GPC3: variants seen among roughly 807,000 people sequenced by gnomAD.
GPC3 encodes the protein glypican-3.
A neutral mutation model predicts 34.4 loss-of-function variants in GPC3; 3 were observed. The ratio of observed to expected loss-of-function variants is 0.09; its 90% CI spans 0.04 to 0.23. GPC3 has a LOEUF of 0.23. Among genes scored for constraint, GPC3 ranks in the 10% least tolerant of loss-of-function variants. GPC3 has a pLI of 1.00. For missense variants in GPC3, 351 were observed against 445.6 expected (o/e 0.79, Z 1.91); for synonymous variants, 177 against 174.0 (o/e 1.02, Z -0.13).
intron 7 of GPC3, among the ~76,000 whole-genome samples, chrX:133,560,572 G>C (rs937798848): frequency 1.1e-4 from 12 of 111,511 alleles, no homozygotes; most frequent in African/African-American, 3.3e-4. Flanking sequence ...AACCCCGTCT[G>C]TACTAAAAAT....
intron 2 of GPC3, among the ~76,000 whole-genome samples, chrX:133,861,778 G>A (rs1205465292): frequency 9.0e-6 from 1 of 110,873 alleles, no homozygotes; most frequent in Non-Finnish European, 1.9e-5. Context: ...CTCCTGCTCT[G>A]GCCATGTGAT....
intron 5 of GPC3, among the ~76,000 whole-genome samples, chrX:133,673,831 A>G (rs1313687181): frequency 8.9e-6 from 1 of 112,708 alleles, no homozygotes; most frequent in Non-Finnish European, 1.9e-5. Flanking sequence ...TGCCAGGCAC[A>G]TAGAAAGTTC....
chrX:133,985,283 G>C lies in GPC3; in HGVS notation c.167C>G (p.Pro56Arg). 1 of 1,211,098 alleles carries C rather than the reference G, an allele frequency of 8.3e-7. No homozygotes were observed. Among genetic ancestry groups the C allele is most frequent in the Non-Finnish European group, 1.1e-6 (1 of 895,002 alleles). Residue 56 changes from proline (P) to arginine (R), a missense_variant, in exon 1 of 8, where the codon CCC becomes CGC. Coordinates refer to ENST00000370818, the MANE Select transcript of GPC3 (RefSeq NM_004484.4). ...QPGLKWVPETPVPGSDLQVCL... is the reference protein window; with the variant it reads ...QPGLKWVPETRVPGSDLQVCL... ...AAGGGACCCCTCCTCACCTGGCACG[G>C]GAGTTTCTGGCACCCACTTGAGTCC...
At chrX:133,721,399 CA>C (rs1358946175) in intron 3 of GPC3, among the ~76,000 whole-genome samples, 1 of 108,606 alleles carries the variant, frequency 9.2e-6, no homozygotes, top group African/African-American at 3.3e-5. Context: ...AACTTTATGC[CA>C]AAAAGTAGAT....
chrX:133,593,020 T>A (rs2069868423), intron 7 of GPC3, among the ~76,000 whole-genome samples: 1 of 111,205 alleles, frequency 9.0e-6, no homozygotes, highest in South Asian at 3.8e-4. Flanking sequence ...AAAAGGTCAA[T>A]CTCTATAGAA....
intron 1 of GPC3, among the ~76,000 whole-genome samples, chrX:133,974,034 G>GT (rs747453128): frequency 5.4e-5 from 6 of 110,754 alleles, no homozygotes; most frequent in African/African-American, 1.3e-4. Context: ...AACTTTCAGC[G>GT]TTTTTTTTGT....
intron 6 of GPC3, among the ~76,000 whole-genome samples, chrX:133,620,777 G>A (rs1386145144): frequency 9.0e-6 from 1 of 111,688 alleles, no homozygotes; most frequent in Non-Finnish European, 1.9e-5. Context: ...ATTCCTTATT[G>A]TAACCCAGGT....
At chrX:133,813,615 T>C (rs1409755355) in intron 2 of GPC3, among the ~76,000 whole-genome samples, 2 of 112,635 alleles carry the variant, frequency 1.8e-5, no homozygotes, top group African/African-American at 6.4e-5. Context: ...TGATGCAGAA[T>C]GAATGAAGTG....
chrX:133,713,315 G>A (rs2071287511), intron 3 of GPC3, among the ~76,000 whole-genome samples: 1 of 112,201 alleles, frequency 8.9e-6, no homozygotes, highest in Admixed American at 9.5e-5. Flanking sequence ...AAAACTGCTT[G>A]CACTTTATCA....
intron 1 of GPC3, among the ~76,000 whole-genome samples, chrX:133,977,727 C>T (rs1277706023): frequency 1.8e-5 from 2 of 111,452 alleles, no homozygotes; most frequent in African/African-American, 3.3e-5. Context: ...ATCATCCCTT[C>T]GTTTTTTATC....
Position 133,618,617 on chromosome X carries a change from C to T in GPC3, c.1414-22018G>A, listed in dbSNP as rs779681830. On this transcript the variant is annotated intron_variant, in intron 6 of 7. Transcript: ENST00000370818. Reference sequence around the variant, plus strand: ...TCGGGAGGCTGAGGCAGGAGAATCACTTGAACCCAGGAGGTGGAGGTTGCA... The same window carrying T: ...TCGGGAGGCTGAGGCAGGAGAATCATTTGAACCCAGGAGGTGGAGGTTGCA... Among the ~76,000 whole-genome samples, 11 of 107,581 alleles carry T rather than the reference C, an allele frequency of 1.0e-4. No homozygotes were observed. In the South Asian group the frequency reaches 4.6e-3, roughly 45 times the overall value. The allele number at this position is 107,581 out of a possible 115,157, so 93.4% of individuals were successfully genotyped here. A position where few individuals can be genotyped will look rare whatever the true frequency, so the allele number is the denominator to read the frequency against.
intron 3 of GPC3, among the ~76,000 whole-genome samples, chrX:133,732,859 C>A (rs1312387305): frequency 9.0e-6 from 1 of 110,978 alleles, no homozygotes; most frequent in Non-Finnish European, 1.9e-5. Flanking sequence ...CAAGAGTTCA[C>A]ATTTCTTTCT....
chrX:133,593,112 G>A (rs981961347), intron 7 of GPC3, among the ~76,000 whole-genome samples: 3 of 109,883 alleles, frequency 2.7e-5, no homozygotes, highest in African/African-American at 9.9e-5. Flanking sequence ...GGGATCACAC[G>A]AGGTCAGGAG....
At chrX:133,881,184 T>C (rs934012393) in intron 2 of GPC3, among the ~76,000 whole-genome samples, 1 of 112,140 alleles carries the variant, frequency 8.9e-6, no homozygotes, top group Non-Finnish European at 1.9e-5. Context: ...GGGCTTTTCC[T>C]GCTCTCACTG....
intron 6 of GPC3, 83 bp from the exon 7 acceptor site, chrX:133,596,682 A>C: frequency 3.2e-6 from 3 of 940,207 alleles, no homozygotes; most frequent in Non-Finnish European, 4.6e-6. Flanking sequence ...AGGAGGCATT[A>C]AAAATGTTCA....
intron 3 of GPC3, among the ~76,000 whole-genome samples, chrX:133,743,060 G>A (rs1225785318): frequency 8.9e-6 from 1 of 112,402 alleles, no homozygotes; most frequent in Admixed American, 9.4e-5. Context: ...TAAGAAATCT[G>A]TAATTTCACC....
At chrX:133,550,578 C>T (rs2069425537) in intron 7 of GPC3, among the ~76,000 whole-genome samples, 1 of 111,866 alleles carries the variant, frequency 8.9e-6, no homozygotes, top group African/African-American at 3.3e-5. Context: ...AACACAAACA[C>T]CTAAAAACAT....
chrX:133,692,612 A>C, intron 4 of GPC3, 118 bp from the exon 5 acceptor site: 1 of 590,263 alleles, frequency 1.7e-6, no homozygotes, highest in Non-Finnish European at 2.8e-6. Flanking sequence ...GCAATAAATG[A>C]CTTTTAAAGA....
chrX:133,561,165 T>C (rs970868614), intron 7 of GPC3, among the ~76,000 whole-genome samples: 5 of 112,409 alleles, frequency 4.4e-5, no homozygotes, highest in African/African-American at 1.6e-4. Flanking sequence ...GAGAAGCACA[T>C]TGGTACTGTA....
Sources: allele counts gnomAD v4.1 joint callset (sites outside exome capture counted in the v4.1 genomes callset), GRCh38; gene constraint gnomAD v4.1.1; transcripts MANE v1.5; gene names NCBI Gene and HGNC (gene_info 2026-07-23, HGNC 2026-07-21).